Variants in NOTCH4 observed in about 807,000 individuals in gnomAD.
NOTCH4 encodes notch receptor 4.
Under a neutral mutation model 189.0 loss-of-function variants are expected in NOTCH4, and 138 were observed. The observed-to-expected ratio is 0.73, with a 90% CI of 0.64 to 0.84. NOTCH4 has a LOEUF of 0.84. NOTCH4 is among the 40% of genes least tolerant of loss of function. The probability of loss-of-function intolerance (pLI) is 0.00; values close to 1 mark genes in which losing one functional copy is unlikely to be tolerated. For missense variants in NOTCH4, 2,286 were observed against 2,605.4 expected (o/e 0.88, Z 2.67); for synonymous variants, 942 against 1,032.8 (o/e 0.91, Z 1.69).
rs1171075338 is a variant in NOTCH4, at chr6:32,199,092, C to T, written c.4369G>A (p.Val1457Met). ...WPVLCSPVAG[V>M]ILLALGALLV... ...AGAGCCCCTAGGGCCAGGAGAATCACCCCGGCCACTGGGGAGCACAGCACA... is the reference window on the plus strand; with the variant it reads ...AGAGCCCCTAGGGCCAGGAGAATCATCCCGGCCACTGGGGAGCACAGCACA... Residue 1457 changes from valine (V) to methionine (M), a missense_variant, in exon 24 of 30, where the codon GTG becomes ATG. Around this residue, in one of 2 missense-constraint regions of NOTCH4, gnomAD observed 1,903 missense variants for 2,261.9 expected, o/e 0.84. Coordinates refer to ENST00000375023, the MANE Select transcript of NOTCH4 (RefSeq NM_004557.4). The surrounding 1 kb of genome is among the most constrained non-coding windows in gnomAD (Gnocchi z 4.9). 1.9e-6 allele frequency: 3 copies of T among 1,612,344 alleles called. No homozygotes were observed. Among genetic ancestry groups the T allele is most frequent in the Non-Finnish European group, 2.5e-6 (3 of 1,179,722 alleles).
At chr6:32,197,819 CTTTTTTT>C (rs9281668) in intron 26 of NOTCH4, among the ~76,000 whole-genome samples, 1 of 132,994 alleles carries the variant, frequency 7.5e-6, no homozygotes, top group Admixed American at 7.7e-5. Context: ...GTGGTTTTCT[CTTTTTTT>C]TTTTTTTTTT....
intron 18 of NOTCH4, among the ~76,000 whole-genome samples, chr6:32,209,881 CA>C (rs1479161833): frequency 7.2e-6 from 1 of 139,468 alleles, no homozygotes; most frequent in Non-Finnish European, 1.6e-5. Context: ...ACTCTGTCTC[CA>C]AAAACGAGAG....
chr6:32,219,547 A>T, intron 8 of NOTCH4, 45 bp downstream of exon 8: 1 of 1,566,138 alleles, frequency 6.4e-7, no homozygotes, highest in Non-Finnish European at 8.7e-7. Context: ...TGGGTTCAGG[A>T]CTAGTTCCCT....
rs776531260 is a variant in NOTCH4 at position 32,200,856 on chromosome 6, C to T, written c.4290G>A (p.Leu1430=). 3.1e-6 allele frequency: 5 copies of T among 1,607,828 alleles called. No individual in the cohort carries two copies. The Admixed American group carries it at 8.5e-5, about 27-fold the overall frequency. The change falls in exon 23 of 30, where the codon CTG becomes CTA. Residue 1430 remains leucine (L), a synonymous_variant. Transcript: ENST00000375023. This position sits in a 1 kb window ranked among gnomAD's most constrained non-coding sequence, Gnocchi z 5.0. The part of the protein sequence containing the change: ...ALEPLLPGPL[L]AVHPHAGTAP... ...CGGTCCCTGCATGAGGGTGGACAGCCAGCAGTGGTCCAGGCAGCAGGGGCT... is the reference window on the plus strand; with the variant it reads ...CGGTCCCTGCATGAGGGTGGACAGCTAGCAGTGGTCCAGGCAGCAGGGGCT...
rs1321341666 is a variant in NOTCH4, at chr6:32,195,038, CAATA to C, written c.*395_*398del. 1 of 262,436 alleles carries C rather than the reference CAATA, an allele frequency of 3.8e-6. No homozygotes were observed. Among genetic ancestry groups the C allele is most frequent in the African/African-American group, 2.2e-5 (1 of 46,146 alleles). The allele number at this position is 262,436 out of a possible 1,614,324, so 16.3% of individuals were successfully genotyped here. On this transcript the variant is annotated 3_prime_UTR_variant, in exon 30 of 30. Transcript: ENST00000375023. This position sits in a 1 kb window ranked among gnomAD's most constrained non-coding sequence, Gnocchi z 5.4. Reference sequence around the variant, plus strand: ...CAGTGCCTGGCACATAGTAGGTGCCCAATAAATATTTGTCAGCCATTTGTGGGCA... The same window carrying C: ...CAGTGCCTGGCACATAGTAGGTGCCCAATATTTGTCAGCCATTTGTGGGCA...
rs575846279 is a variant in NOTCH4 at position 32,212,063 on chromosome 6, T to A, written c.2680+411A>T. The stretch of plus-strand genomic sequence containing the variant: ...CTTCTCATATCAAACCTTATTTTAG[T>A]GTTCTTTTACAAAGAGGGTGGCGTG... On this transcript the variant is annotated intron_variant, in intron 17 of 29. Transcript: ENST00000375023. The surrounding 1 kb of genome is among the most constrained non-coding windows in gnomAD (Gnocchi z 4.4). Among the ~76,000 whole-genome samples, 7 of 152,286 alleles carry A rather than the reference T, an allele frequency of 4.6e-5. No homozygotes were observed. The highest frequency in any genetic ancestry group is 4.6e-4 in the Admixed American group (7 of 15,296).
chr6:32,220,108 C>A, intron 7 of NOTCH4, 21 bp downstream of exon 7: 1 of 1,611,830 alleles, frequency 6.2e-7, no homozygotes, highest in Admixed American at 1.7e-5. Context: ...CAGAGAGGCT[C>A]TGAAGTGGGA....
chr6:32,203,644 G>T, intron 20 of NOTCH4, 126 bp downstream of exon 20: 1 of 680,450 alleles, frequency 1.5e-6, no homozygotes, highest in Non-Finnish European at 2.4e-6. Flanking sequence ...CTGTGAGCTT[G>T]GCATGGCTTT....
intron 18 of NOTCH4, among the ~76,000 whole-genome samples, chr6:32,209,989 C>T (rs1197742141): frequency 1.3e-5 from 2 of 152,092 alleles, no homozygotes; most frequent in African/African-American, 2.4e-5. Context: ...GGCAACCACA[C>T]ACACAAAAAA....
At chr6:32,219,496 T>A in intron 8 of NOTCH4, 96 bp downstream of exon 8, 1 of 1,145,606 alleles carries the variant, frequency 8.7e-7, no homozygotes, top group East Asian at 2.6e-5. Flanking sequence ...CTTACGCCAA[T>A]TGGCCTGAAG....
chr6:32,215,582 C>T (rs1789349472), intron 11 of NOTCH4, among the ~76,000 whole-genome samples, 197 bp from the exon 12 acceptor site: 1 of 152,190 alleles, frequency 6.6e-6, no homozygotes, highest in Non-Finnish European at 1.5e-5. Context: ...TATGCAGAGT[C>T]CTGCAGGACA....
In NOTCH4 at chr6:32,195,440, T is replaced by A. The variant is rs748589573; in HGVS notation, c.6009A>T (p.Lys2003Asn). Residue 2003 changes from lysine to asparagine, a missense_variant, in exon 30 of 30, where the codon AAA becomes AAT. Transcript: ENST00000375023. The surrounding 1 kb of genome is among the most constrained non-coding windows in gnomAD (Gnocchi z 5.4). ...MPINQGGEGK[K>N] The stretch of plus-strand genomic sequence containing the variant: ...TTCCTCCCTACCATGTATTCTTCTA[T>A]TTTTTACCCTCTCCTCCTTGGTTTA... 3.2e-6 allele frequency: 5 copies of A among 1,584,892 alleles called. No homozygotes were observed. In the African/African-American group the frequency reaches 6.8e-5, roughly 21 times the overall value.
rs1306086030 is a variant in NOTCH4, at chr6:32,220,597, G to A, written c.967C>T (p.Pro323Ser). 11 of 1,613,972 alleles carry A rather than the reference G, an allele frequency of 6.8e-6. No homozygotes were observed. The highest frequency in any genetic ancestry group is 1.1e-5 in the South Asian group (1 of 91,076). Residue 323 changes from proline to serine, a missense_variant, in exon 6 of 30, where the codon CCC becomes TCC. Physicochemically the swap from Pro to Ser is moderately conservative, Grantham distance 74. Around this residue, in one of 2 missense-constraint regions of NOTCH4, gnomAD observed 1,903 missense variants for 2,261.9 expected, o/e 0.84. Coordinates refer to ENST00000375023, the MANE Select transcript of NOTCH4 (RefSeq NM_004557.4). ...EDVDECETQG[P>S]PHCRNGGTCQ... ...GTGCCCCCGTTTCTGCAGTGAGGGGGACCCTGGGTCTCACACTCATCCACA... is the reference window on the plus strand; with the variant it reads ...GTGCCCCCGTTTCTGCAGTGAGGGGAACCCTGGGTCTCACACTCATCCACA...
At chr6:32,219,525 G>C in intron 8 of NOTCH4, 67 bp downstream of exon 8, 1 of 1,399,016 alleles carries the variant, frequency 7.1e-7, no homozygotes, top group Non-Finnish European at 9.8e-7. Context: ...ACTCTGGAGG[G>C]GGCATTCCTA....
In NOTCH4 at chr6:32,222,821, A is replaced by G; in HGVS notation, c.156-15T>C. 3 of 1,606,526 alleles carry G rather than the reference A, an allele frequency of 1.9e-6. No individual in the cohort carries two copies. Among genetic ancestry groups the G allele is most frequent in the Non-Finnish European group, 2.5e-6 (3 of 1,177,700 alleles). On this transcript the variant is annotated splice_polypyrimidine_tract_variant and intron_variant, in intron 2 of 29. Transcript: ENST00000375023. Reference sequence around the variant, plus strand: ...CAGGGGCACACCTGGGCAGGGGAGGAGAGGAAAACTCACATCACTGGTCCC... The same window carrying G: ...CAGGGGCACACCTGGGCAGGGGAGGGGAGGAAAACTCACATCACTGGTCCC...
In NOTCH4 at chr6:32,221,839, C is replaced by T. The variant is rs115792500; in HGVS notation, c.452-514G>A. ...GCAAGCATCTCCTGAGCATCGGCCC[C>T]TTCTGTCCTCTCAGCAACCTTATGA... On this transcript the variant is annotated intron_variant, in intron 3 of 29. Transcript: ENST00000375023. This position sits in a 1 kb window ranked among gnomAD's most constrained non-coding sequence, Gnocchi z 4.3. Among the ~76,000 whole-genome samples, 13 of 152,318 alleles carry T rather than the reference C, an allele frequency of 8.5e-5. No individual in the cohort carries two copies. The highest frequency in any genetic ancestry group is 3.1e-4 in the African/African-American group (13 of 41,572).
intron 27 of NOTCH4, 27 bp from the exon 28 acceptor site, chr6:32,197,099 C>T (rs745450320): frequency 1.2e-6 from 2 of 1,609,118 alleles, no homozygotes; most frequent in Non-Finnish European, 1.7e-6. Context: ...CCAGTGACCC[C>T]TGGGGTACCT....
Position 32,212,981 on chromosome 6 carries a change from T to C in NOTCH4, c.2439-70A>G. 1 of 1,429,586 alleles carries C rather than the reference T, an allele frequency of 7.0e-7. No homozygotes were observed. Among genetic ancestry groups the C allele is most frequent in the Non-Finnish European group, 9.7e-7 (1 of 1,029,946 alleles). 88.6% of individuals were successfully genotyped at this position (1,429,586 alleles called of 1,614,324 possible). A position where few individuals can be genotyped will look rare whatever the true frequency, so the allele number is the denominator to read the frequency against. On this transcript the variant is annotated intron_variant, in intron 15 of 29. Transcript: ENST00000375023. This position sits in a 1 kb window ranked among gnomAD's most constrained non-coding sequence, Gnocchi z 4.4. ...ACAAGGGGAAGGTAGTGTGTGATAT[T>C]GTCGGGAGGCAACCACAGGGAGGTG... is the stretch of plus-strand genomic sequence containing the variant.
At position 32,195,781 on chromosome 6, in the gene NOTCH4, C is replaced by G. The variant is rs200223154; in HGVS notation, c.5668G>C (p.Gly1890Arg). Residue 1890 changes from glycine (G) to arginine (R), a missense_variant, in exon 30 of 30, where the codon GGG becomes CGG. Around this residue, in one of 2 missense-constraint regions of NOTCH4, gnomAD observed 383 missense variants for 343.5 expected, o/e 1.11. Coordinates refer to ENST00000375023, the MANE Select transcript of NOTCH4 (RefSeq NM_004557.4). This position sits in a 1 kb window ranked among gnomAD's most constrained non-coding sequence, Gnocchi z 5.4. ...RTWSVDLAAR[G>R]GGAYSHCRSL... ...CGGCAATGAGAATAGGCCCCGCCCC[C>G]CCGCGCAGCCAAGTCTACGGACCAA... 5.0e-6 allele frequency: 8 copies of G among 1,607,224 alleles called. No individual in the cohort carries two copies. The highest frequency in any genetic ancestry group is 2.2e-5 in the East Asian group (1 of 44,882).
Sources: allele counts gnomAD v4.1 joint callset (sites outside exome capture counted in the v4.1 genomes callset), GRCh38; gene constraint gnomAD v4.1.1; regional missense constraint gnomAD v4.1.1; non-coding constraint Gnocchi (gnomAD v3.1); transcripts MANE v1.5; gene names NCBI Gene and HGNC (gene_info 2026-07-23, HGNC 2026-07-21).